The following IL17RD variants were observed in gnomAD, a reference collection of about 807,000 sequenced individuals.
IL17RD encodes the protein interleukin 17 receptor D, also known as interleukin-17 receptor D.
IL17RD carries 52 observed loss-of-function variants against 80.5 expected under a neutral mutation model. The ratio of observed to expected loss-of-function variants is 0.65; its 90% CI spans 0.52 to 0.81. The LOEUF is 0.81. Ranked by LOEUF, IL17RD falls within the 40% of genes least tolerant of loss-of-function variation. The pLI is 0.00. For missense variants in IL17RD, 1,024 were observed against 955.1 expected, an observed-to-expected ratio of 1.07 and a Z score of -0.95; for synonymous variants, 416 against 391.8, an observed-to-expected ratio of 1.06 and a Z score of -0.73.
At position 57,103,154 on chromosome 3, in the gene IL17RD, C is replaced by T. The variant is rs1559467569; in HGVS notation, c.814-9G>A. 6.3e-7 allele frequency: 1 copy of T among 1,598,356 alleles called. No homozygotes were observed. The highest frequency in any genetic ancestry group is 8.5e-7 in the Non-Finnish European group (1 of 1,171,388). ...TTAGTGTCATCCACCAGCTGCAAAA[C>T]AGAGGATGCTGCATTATTTTTTTTT... On this transcript the variant is annotated splice_polypyrimidine_tract_variant and intron_variant, in intron 8 of 12. Transcript: ENST00000296318.
At chr3:57,158,076 A>G (rs2060280366) in intron 1 of IL17RD, among the ~76,000 whole-genome samples, 1 of 152,236 alleles carries the variant, frequency 6.6e-6, no homozygotes, top group Admixed American at 6.5e-5. Context: ...TATTCATTTA[A>G]TGTGTGAAAT....
chr3:57,127,305 A>AATAT (rs1707497980), intron 1 of IL17RD, among the ~76,000 whole-genome samples: 2 of 68,622 alleles, frequency 2.9e-5, no homozygotes, highest in Non-Finnish European at 4.7e-5. Flanking sequence ...AATATATATA[A>AATAT]AAATATATAA....
chr3:57,168,599 G>T (rs923314199), upstream of IL17RD, among the ~76,000 whole-genome samples: 2 of 152,196 alleles, frequency 1.3e-5, no homozygotes, highest in Non-Finnish European at 2.9e-5. Flanking sequence ...GTCAAATCTG[G>T]TCAGGAAATT....
Position 57,096,717 on chromosome 3 carries a change from T to A in IL17RD, c.2108-212A>T, listed in dbSNP as rs188934995. On this transcript the variant is annotated intron_variant, in intron 12 of 12. Transcript: ENST00000296318. ...GGAAGGAAGAGATATTTCTTAAAAG[T>A]CAAGCGTTTAGGCCGGGCGCAGTGG... 2.7e-4 allele frequency among the ~76,000 whole-genome samples: 41 copies of A among 152,226 alleles called. No homozygotes were observed. The East Asian group carries it at 7.6e-3, about 28-fold the overall frequency.
chr3:57,148,885 A>G (rs1454589135), intron 1 of IL17RD, among the ~76,000 whole-genome samples: 2 of 152,150 alleles, frequency 1.3e-5, no homozygotes, highest in Non-Finnish European at 2.9e-5. Flanking sequence ...CTTCCTGTAT[A>G]TCCTATCACT....
At chr3:57,123,041 A>T (rs1707374598) in intron 1 of IL17RD, among the ~76,000 whole-genome samples, 1 of 152,124 alleles carries the variant, frequency 6.6e-6, no homozygotes, top group Non-Finnish European at 1.5e-5. Flanking sequence ...AAAGGAGCCC[A>T]AGACAGTGAG....
intron 1 of IL17RD, among the ~76,000 whole-genome samples, chr3:57,152,680 G>A (rs1029933327): frequency 2.0e-5 from 3 of 151,992 alleles, no homozygotes; most frequent in Admixed American, 2.0e-4. Flanking sequence ...TCTGGAGTGG[G>A]GTAAAATGAA....
At chr3:57,118,013 C>T (rs1386833) in intron 2 of IL17RD, among the ~76,000 whole-genome samples, 24,176 of 152,106 alleles carry the variant, frequency 0.16, 2,484 homozygotes, top group East Asian at 0.37. Flanking sequence ...AAGTTTTACA[C>T]GGAGAGATCC....
chr3:57,153,673 T>C (rs912627124), intron 1 of IL17RD, among the ~76,000 whole-genome samples: 2 of 152,234 alleles, frequency 1.3e-5, no homozygotes, highest in Non-Finnish European at 2.9e-5. Flanking sequence ...CATTTTACTG[T>C]TATTTCAATT....
chr3:57,101,101 G>T, intron 11 of IL17RD, 78 bp downstream of exon 11: 1 of 1,193,414 alleles, frequency 8.4e-7, no homozygotes, highest in Non-Finnish European at 1.2e-6. Context: ...AGGCCCAGAA[G>T]AGAGGAGAAG....
rs1324115541 is a variant in IL17RD, at chr3:57,114,824, A to C, written c.185-7T>G. 5.1e-6 allele frequency: 8 copies of C among 1,555,416 alleles called. No homozygotes were observed. Among genetic ancestry groups the C allele is most frequent in the African/African-American group, 1.4e-5 (1 of 72,166 alleles). ...TTCAAGTAGGTGGTACAATCTAGAG[A>C]GTAGGGAGAATGAGAACAGTTAAAT... is the stretch of plus-strand genomic sequence containing the variant. On this transcript the variant is annotated splice_region_variant and splice_polypyrimidine_tract_variant and intron_variant, in intron 2 of 12. Transcript: ENST00000296318.
chr3:57,103,179 T>TA (rs1706876911), intron 8 of IL17RD, 34 bp from the exon 9 acceptor site: 1 of 1,535,756 alleles, frequency 6.5e-7, no homozygotes, highest in East Asian at 2.3e-5. Context: ...TATTTTTTTT[T>TA]AAAGTGATAT....
rs1412928331 is a variant in IL17RD at position 57,096,359 on chromosome 3, G to A, written c.*34C>T. 1 of 1,414,256 alleles carries A rather than the reference G, an allele frequency of 7.1e-7. No homozygotes were observed. Among genetic ancestry groups the A allele is most frequent in the Non-Finnish European group, 1.0e-6 (1 of 997,532 alleles). The allele number at this position is 1,414,256 out of a possible 1,614,324, so 87.6% of individuals were successfully genotyped here. On this transcript the variant is annotated 3_prime_UTR_variant, in exon 13 of 13. Transcript: ENST00000296318. ...GCTGGGGAATCAGAGGGAGGCAGCA[G>A]CTAAAGTGGCAATGCTTAGACTCTT...
At chr3:57,149,298 A>G (rs1409011354) in intron 1 of IL17RD, among the ~76,000 whole-genome samples, 3 of 145,988 alleles carry the variant, frequency 2.1e-5, no homozygotes, top group Non-Finnish European at 4.5e-5. Context: ...CTCCATCTCA[A>G]AAAAAAAAAA....
In IL17RD at chr3:57,114,709, C is replaced by G. The variant is rs1363289986; in HGVS notation, c.293G>C (p.Trp98Ser). 1 of 1,610,798 alleles carries G rather than the reference C, an allele frequency of 6.2e-7. No homozygotes were observed. Among genetic ancestry groups the G allele is most frequent in the Non-Finnish European group, 8.5e-7 (1 of 1,178,944 alleles). ...CHDQVAVTIL[W>S]SPGALGIEFL... Reference sequence around the variant, plus strand: ...CCACTCACCGAGGGCCCCTGGGGACCAAAGAATGGTGACTGCCACTTGGTC... The same window carrying G: ...CCACTCACCGAGGGCCCCTGGGGACGAAAGAATGGTGACTGCCACTTGGTC... Residue 98 changes from tryptophan to serine, a missense_variant, in exon 3 of 13, where the codon TGG becomes TCG. By Grantham distance (177) the Trp-to-Ser change is radical. Coordinates refer to ENST00000296318, the MANE Select transcript of IL17RD (RefSeq NM_017563.5).
At chr3:57,128,719 T>C (rs1707546905) in intron 1 of IL17RD, among the ~76,000 whole-genome samples, 1 of 152,130 alleles carries the variant, frequency 6.6e-6, no homozygotes, top group Admixed American at 6.5e-5. Flanking sequence ...CGCCTGACTT[T>C]ATGATTTTCT....
intron 1 of IL17RD, chr3:57,134,792 C>A (rs1257054133): frequency 1.7e-5 from 7 of 420,032 alleles, no homozygotes; most frequent in Non-Finnish European, 3.1e-5. Context: ...ATAAAACAAG[C>A]CTTTACCTGC....
intron 1 of IL17RD, among the ~76,000 whole-genome samples, chr3:57,145,910 T>C (rs1407876225): frequency 6.6e-6 from 1 of 152,214 alleles, no homozygotes; most frequent in Admixed American, 6.5e-5. Context: ...GGGTGGCTTC[T>C]AGCCCAAGAT....
At chr3:57,140,972 C>A (rs934869128) in intron 1 of IL17RD, among the ~76,000 whole-genome samples, 3 of 151,948 alleles carry the variant, frequency 2.0e-5, no homozygotes, top group African/African-American at 4.8e-5. Context: ...TGGCTCACTG[C>A]AGCCTCCAAC....
Sources: gnomAD v4.1 joint callset for allele counts (sites outside exome capture counted in the v4.1 genomes callset) on GRCh38, gnomAD v4.1.1 for gene constraint, MANE v1.5 for transcripts, NCBI Gene and HGNC (gene_info 2026-07-23, HGNC 2026-07-21) for gene names.